The following EYS variants were observed in gnomAD, a reference collection of about 807,000 sequenced individuals.
The protein encoded by EYS is protein eyes shut homolog.
EYS carries 250 observed loss-of-function variants against 282.1 expected under a neutral mutation model. The ratio of observed to expected loss-of-function variants is 0.89; its 90% CI spans 0.80 to 0.98. The LOEUF (loss-of-function observed/expected upper bound fraction) is 0.98. Ranked by LOEUF, EYS falls within the 50% of genes least tolerant of loss-of-function variation. EYS has a pLI of 0.00. For missense variants in EYS, 4,016 were observed against 3,709.0 expected (o/e 1.08, Z -2.15); for synonymous variants, 1,355 against 1,282.9 (o/e 1.06, Z -1.20).
chr6:64,505,325 T>A (rs2150514774), intron 26 of EYS, among the ~76,000 whole-genome samples: 1 of 152,338 alleles, frequency 6.6e-6, no homozygotes, highest in East Asian at 1.9e-4. Flanking sequence ...ATATTGATGT[T>A]AACTCTTTTG....
Position 65,506,460 on chromosome 6 carries a change from C to CTTTTTTTT in EYS, c.-332-10475_-332-10468dup, listed in dbSNP as rs58326040. 4.1e-3 allele frequency among the ~76,000 whole-genome samples: 265 copies of CTTTTTTTT among 64,884 alleles called. 23 individuals carry two copies. The highest frequency in any genetic ancestry group is 5.6e-3 in the Non-Finnish European group (199 of 35,806). The allele number at this position is 64,884 out of a possible 152,430, so 42.6% of individuals were successfully genotyped here. A position where few individuals can be genotyped will look rare whatever the true frequency, so the allele number is the denominator to read the frequency against. On this transcript the variant is annotated intron_variant, in intron 2 of 42. Transcript: ENST00000503581. Reference sequence around the variant, plus strand: ...GGTTTACAATATCCTTCCTTCCTTTCTTTTTTTTTTTTTTTTTTTTTTTTT... The same window carrying CTTTTTTTT: ...GGTTTACAATATCCTTCCTTCCTTTCTTTTTTTTTTTTTTTTTTTTTTTTTTTTTTTTT...
intron 35 of EYS, among the ~76,000 whole-genome samples, chr6:63,931,328 G>T (rs1764887189): frequency 6.6e-6 from 1 of 152,084 alleles, no homozygotes; most frequent in African/African-American, 2.4e-5. Flanking sequence ...TCACTTCTCT[G>T]CATCATCCAT....
At chr6:63,818,062 C>G (rs1362983090) in intron 36 of EYS, among the ~76,000 whole-genome samples, 5 of 152,186 alleles carry the variant, frequency 3.3e-5, no homozygotes, top group Admixed American at 6.5e-5. Context: ...TAAATTCATA[C>G]AGTAAAATAC....
intron 19 of EYS, among the ~76,000 whole-genome samples, chr6:64,829,436 A>G (rs1487854968): frequency 6.6e-6 from 1 of 151,966 alleles, no homozygotes; most frequent in African/African-American, 2.4e-5. Flanking sequence ...TACACACTTA[A>G]TGGTCAGCCT....
intron 30 of EYS, among the ~76,000 whole-genome samples, chr6:64,278,371 TATTC>T (rs1768185786): frequency 6.6e-6 from 1 of 152,150 alleles, no homozygotes; most frequent in African/African-American, 2.4e-5. Flanking sequence ...ATAATGAAAT[TATTC>T]ATTCTTATTA....
intron 2 of EYS, among the ~76,000 whole-genome samples, chr6:65,638,347 C>G (rs937733145): frequency 2.6e-5 from 4 of 152,148 alleles, no homozygotes; most frequent in Non-Finnish European, 4.4e-5. Context: ...GACAAGAAGT[C>G]AAGACCAACT....
At chr6:65,324,374 G>C (rs1181929267) in intron 11 of EYS, among the ~76,000 whole-genome samples, 1 of 152,160 alleles carries the variant, frequency 6.6e-6, no homozygotes, top group African/African-American at 2.4e-5. Flanking sequence ...TGACGGAAAG[G>C]AAGGAGCCAG....
chr6:65,115,261 T>C (rs1181699566), intron 12 of EYS, among the ~76,000 whole-genome samples: 1 of 152,082 alleles, frequency 6.6e-6, no homozygotes, highest in Non-Finnish European at 1.5e-5. Context: ...TTATACAAAG[T>C]ATCATAATAT....
chr6:65,169,478 G>C (rs1372797009), intron 12 of EYS, among the ~76,000 whole-genome samples: 3 of 151,412 alleles, frequency 2.0e-5, no homozygotes, highest in East Asian at 2.0e-4. Flanking sequence ...ATTTTAATTA[G>C]AGATATCAGA....
intron 22 of EYS, among the ~76,000 whole-genome samples, chr6:64,659,570 C>G (rs1309606937): frequency 1.3e-5 from 2 of 152,162 alleles, no homozygotes; most frequent in East Asian, 3.9e-4. Flanking sequence ...ACCGATCCCA[C>G]AGAAATACAA....
chr6:63,822,705 T>G (rs999773822), intron 36 of EYS: 4 of 152,232 alleles, frequency 2.6e-5, no homozygotes, highest in African/African-American at 9.6e-5. Context: ...AAAAATAGAT[T>G]TGTATCTTCT....
chr6:64,758,543 A>G (rs1773052688), intron 22 of EYS, among the ~76,000 whole-genome samples: 1 of 152,142 alleles, frequency 6.6e-6, no homozygotes, highest in Non-Finnish European at 1.5e-5. Context: ...CACCCAGTCC[A>G]TGCTACAATT....
chr6:64,848,533 C>T (rs958579666), intron 19 of EYS, among the ~76,000 whole-genome samples: 10 of 152,058 alleles, frequency 6.6e-5, no homozygotes, highest in African/African-American at 1.7e-4. Context: ...ATAACGAATG[C>T]GTGATGTTTT....
At chr6:64,901,990 G>T in intron 18 of EYS, 123 bp downstream of exon 18, 1 of 641,134 alleles carries the variant, frequency 1.6e-6, no homozygotes, top group East Asian at 3.0e-5. Flanking sequence ...GGATGTGCTG[G>T]TACAAGCACA....
intron 19 of EYS, among the ~76,000 whole-genome samples, chr6:64,846,769 AT>A (rs1357029752): frequency 1.3e-5 from 2 of 152,118 alleles, no homozygotes; most frequent in African/African-American, 4.8e-5. Flanking sequence ...AATGCAGTGA[AT>A]TTAGGGGAAG....
chr6:63,782,852 A>G (rs545882633), intron 39 of EYS, among the ~76,000 whole-genome samples: 4 of 150,790 alleles, frequency 2.7e-5, no homozygotes, highest in Non-Finnish European at 4.4e-5. Context: ...TAGGGTGTCA[A>G]TTTTAGATCT....
intron 30 of EYS, among the ~76,000 whole-genome samples, chr6:64,232,932 C>A (rs1450428187): frequency 6.6e-6 from 1 of 152,134 alleles, no homozygotes; most frequent in East Asian, 1.9e-4. Context: ...AGTTAAATGG[C>A]AATGCTAATA....
At chr6:64,413,554 ACAAC>A (rs1398972961) in intron 28 of EYS, among the ~76,000 whole-genome samples, 2 of 143,156 alleles carry the variant, frequency 1.4e-5, no homozygotes, top group Non-Finnish European at 3.1e-5. Flanking sequence ...AACAACAACA[ACAAC>A]AAAAACCCAA....
chr6:63,873,061 G>C (rs1195629913), intron 35 of EYS, among the ~76,000 whole-genome samples: 1 of 151,950 alleles, frequency 6.6e-6, no homozygotes, highest in African/African-American at 2.4e-5. Context: ...GTGAAGGTTT[G>C]TTACATATGT....
Sources: gnomAD v4.1 joint callset for allele counts (sites outside exome capture counted in the v4.1 genomes callset) on GRCh38, gnomAD v4.1.1 for gene constraint, MANE v1.5 for transcripts, NCBI Gene and HGNC (gene_info 2026-07-23, HGNC 2026-07-21) for gene names.